Variants in CARS2 observed in about 807,000 individuals in gnomAD.
CARS2 encodes cysteinyl-tRNA synthetase 2, mitochondrial, also known as probable cysteine--tRNA ligase, mitochondrial.
In CARS2, 52 loss-of-function variants were observed where a neutral mutation model predicts 68.8. The ratio of observed to expected loss-of-function variants is 0.76; its 90% CI spans 0.61 to 0.95. The LOEUF (loss-of-function observed/expected upper bound fraction) is 0.95. Ranked by LOEUF, CARS2 falls within the 40% of genes least tolerant of loss-of-function variation. The probability of loss-of-function intolerance (pLI) is 0.00; values close to 1 mark genes in which losing one functional copy is unlikely to be tolerated. For missense variants in CARS2, 780 were observed against 754.2 expected (o/e 1.03, Z -0.40); for synonymous variants, 314 against 303.6 (o/e 1.03, Z -0.36).
At position 110,705,877 on chromosome 13, in the gene CARS2, C is replaced by T. The variant is rs761282112; in HGVS notation, c.217G>A (p.Ala73Thr). The change falls in exon 1 of 15, where the codon GCC becomes ACC. Residue 73 changes from alanine (A) to threonine (T), a missense_variant. Coordinates refer to ENST00000257347, the MANE Select transcript of CARS2 (RefSeq NM_024537.4). This position sits in a 1 kb window ranked among gnomAD's most constrained non-coding sequence, Gnocchi z 4.0. ...CAGTCCCGCGCGGCCCACCAGGAGGCGGCTTCGGCGTGCGCCACGATTAGG... is the reference window on the plus strand; with the variant it reads ...CAGTCCCGCGCGGCCCACCAGGAGGTGGCTTCGGCGTGCGCCACGATTAGG... ...EPLIVAHAEA[A>T]SWYSCGPTVY... The T allele has an allele frequency of 3.8e-6, 6 of 1,561,112 alleles. No individual in the cohort carries two copies. The highest frequency in any genetic ancestry group is 5.2e-6 in the Non-Finnish European group (6 of 1,155,652).
At chr13:110,667,644 C>T (rs927084602) in intron 7 of CARS2, among the ~76,000 whole-genome samples, 171 bp from the exon 8 acceptor site, 2 of 152,224 alleles carry the variant, frequency 1.3e-5, no homozygotes, top group African/African-American at 4.8e-5. Context: ...GAAATCCTGT[C>T]ATCACAAGCC....
chr13:110,677,613 GCA>G lies in CARS2; in HGVS notation c.656-512_656-511del, dbSNP rs1463524018. Among the ~76,000 whole-genome samples the G allele has an allele frequency of 3.0e-3, 110 of 36,228 alleles. 29 individuals carry two copies. The highest frequency in any genetic ancestry group is 4.3e-3 in the Non-Finnish European group (65 of 15,138). The allele number at this position is 36,228 out of a possible 152,430, so 23.8% of individuals were successfully genotyped here. ...AACACAATCACCCCACCACGGACAC[GCA>G]GACAGTCACCCCACCACAGAAACTC... On this transcript the variant is annotated intron_variant, in intron 6 of 14. Coordinates refer to ENST00000257347, the MANE Select transcript of CARS2 (RefSeq NM_024537.4).
chr13:110,699,784 G>T (rs751751897), intron 3 of CARS2, among the ~76,000 whole-genome samples: 1 of 152,264 alleles, frequency 6.6e-6, no homozygotes, highest in Non-Finnish European at 1.5e-5. Flanking sequence ...TAAAGTCAAA[G>T]GACCCACCAA....
chr13:110,711,036 A>G (rs986146705), upstream of CARS2, among the ~76,000 whole-genome samples: 2 of 152,094 alleles, frequency 1.3e-5, no homozygotes, highest in Non-Finnish European at 2.9e-5. Context: ...AACACTATTC[A>G]TTCTAGAGCC....
In CARS2 at chr13:110,642,474, G is replaced by A. The variant is rs374641891; in HGVS notation, c.1464C>T (p.Asp488=). The A allele has an allele frequency of 7.1e-5, 114 of 1,610,036 alleles. No homozygotes were observed. Among genetic ancestry groups the A allele is most frequent in the Non-Finnish European group, 8.7e-5 (103 of 1,178,790 alleles). ...GSEATLHGVV[D]ELVRFRQKVR... ...CCTTCTGCCGGAACCGCACCAGCTC[G>A]TCCACCACACCATGCAAGGTAGCCT... Residue 488 remains aspartate (D), a synonymous_variant, in exon 14 of 15, where the codon GAC becomes GAT. Coordinates refer to ENST00000257347, the MANE Select transcript of CARS2 (RefSeq NM_024537.4).
intron 9 of CARS2, among the ~76,000 whole-genome samples, chr13:110,655,277 C>A (rs384385): frequency 0.31 from 46,488 of 152,052 alleles, 8,297 homozygotes; most frequent in African/African-American, 0.47. Context: ...ACGGTGCCTC[C>A]CTGCCATGAG....
chr13:110,703,578 G>C (rs970785164), intron 2 of CARS2, among the ~76,000 whole-genome samples: 6 of 152,250 alleles, frequency 3.9e-5, no homozygotes, highest in Admixed American at 1.3e-4. Flanking sequence ...GACTCTCCTA[G>C]TTGGAAATGA....
At position 110,651,081 on chromosome 13, in the gene CARS2, G is replaced by A. The variant is rs556565233; in HGVS notation, c.1007C>T (p.Ser336Phe). ...GCAGAAGAACCGGAAGACATCGGGG[G>A]AAAAGGTCTTCAGAAAGTCCTGGTA... ...ITIKDFLKTF[S>F]PDVFRFFCLR... The change falls in exon 10 of 15, where the codon TCC becomes TTC. Residue 336 changes from serine to phenylalanine, a missense_variant. Transcript: ENST00000257347. The A allele has an allele frequency of 9.3e-6, 15 of 1,613,484 alleles. No homozygotes were observed. The East Asian group carries it at 3.3e-4, about 36-fold the overall frequency.
chr13:110,648,965 A>C (rs2062123360), intron 10 of CARS2: 1 of 152,234 alleles, frequency 6.6e-6, no homozygotes, highest in African/African-American at 2.4e-5. Flanking sequence ...CACAGCCCCC[A>C]GCCACGAGGG....
chr13:110,663,463 G>C lies in CARS2; in HGVS notation c.975C>G (p.Tyr325Ter). ...EEKMSKSLKN[Y>*]ITIKDFLKTF... ...AAAAGCACGTTACCTTAATAGTAAT[G>C]TAGTTCTTTAATGATTTGGACATTT... Residue 325 changes from tyrosine (Y) to a stop codon, truncating the protein, a stop_gained, in exon 9 of 15, where the codon TAC (tyrosine) becomes TAG (stop). Coordinates refer to ENST00000257347, the MANE Select transcript of CARS2 (RefSeq NM_024537.4). LOFTEE classifies it high-confidence loss of function. 1 of 1,613,596 alleles carries C rather than the reference G, an allele frequency of 6.2e-7. No homozygotes were observed. The highest frequency in any genetic ancestry group is 8.5e-7 in the Non-Finnish European group (1 of 1,179,790).
Position 110,668,521 on chromosome 13 carries a change from G to A in CARS2, c.786-1048C>T, listed in dbSNP as rs9521886. On this transcript the variant is annotated intron_variant, in intron 7 of 14. Coordinates refer to ENST00000257347, the MANE Select transcript of CARS2 (RefSeq NM_024537.4). This position sits in a 1 kb window ranked among gnomAD's most constrained non-coding sequence, Gnocchi z 4.1. ...CGCGCCACTGCACTCCAGCCTGGGT[G>A]ACAGAGCGAGACTCCGTCTCAAAAA... 0.53 allele frequency among the ~76,000 whole-genome samples: 79,344 copies of A among 150,028 alleles called. 22,285 individuals carry two copies. The highest frequency in any genetic ancestry group is 0.64 in the Non-Finnish European group (43,621 of 67,680).
intron 11 of CARS2, 107 bp from the exon 12 acceptor site, chr13:110,646,197 G>A (rs974071113): frequency 1.0e-5 from 14 of 1,341,926 alleles, no homozygotes; most frequent in South Asian, 5.9e-5. Context: ...TCTAATCTGG[G>A]GACTTTCTCT....
intron 2 of CARS2, among the ~76,000 whole-genome samples, chr13:110,703,605 C>A (rs983493511): frequency 3.9e-5 from 6 of 152,234 alleles, no homozygotes; most frequent in African/African-American, 9.6e-5. Context: ...ATTCTCTCCC[C>A]AACAACTTTT....
At chr13:110,656,092 T>C (rs1045460483) in intron 9 of CARS2, among the ~76,000 whole-genome samples, 28 of 152,036 alleles carry the variant, frequency 1.8e-4, no homozygotes, top group African/African-American at 6.3e-4. Context: ...GACCTGAGGT[T>C]AGGAGTTCAA....
In CARS2 at chr13:110,645,958, T is replaced by C; in HGVS notation, c.1317+9A>G. The C allele has an allele frequency of 1.9e-6, 3 of 1,610,536 alleles. No individual in the cohort carries two copies. Among genetic ancestry groups the C allele is most frequent in the Non-Finnish European group, 2.5e-6 (3 of 1,178,492 alleles). ...GCAGGACCGCAAGGCCACCTGTTCG[T>C]TGAGCTACCTTCAGGGACGCCCTGA... On this transcript the variant is annotated intron_variant, in intron 12 of 14. Transcript: ENST00000257347.
rs1194898462 is a variant in CARS2, at chr13:110,701,497, T to C, written c.334A>G (p.Ile112Val). The change falls in exon 3 of 15, where the codon ATA becomes GTA. Residue 112 changes from isoleucine (I) to valine (V), a missense_variant. Transcript: ENST00000257347. ...TCTGTAATACCCATCACCATGACTA[T>C]GCTGCATCCAAAAACCTTGGTTAGG... ...RILTKVFGCS[I>V]VMVMGITDVD... The C allele has an allele frequency of 1.9e-6, 3 of 1,600,704 alleles. No homozygotes were observed. Among genetic ancestry groups the C allele is most frequent in the East Asian group, 2.2e-5 (1 of 44,826 alleles).
intron 10 of CARS2, among the ~76,000 whole-genome samples, chr13:110,650,077 C>T (rs111730429): frequency 0.042 from 6,375 of 151,720 alleles, 258 homozygotes; most frequent in African/African-American, 0.09. Flanking sequence ...GCTGAGATTA[C>T]AGGTGCATGC....
chr13:110,671,068 A>T (rs1367086137), intron 7 of CARS2, among the ~76,000 whole-genome samples: 2 of 152,228 alleles, frequency 1.3e-5, no homozygotes, highest in African/African-American at 2.4e-5. Flanking sequence ...ACTATGTGAA[A>T]AGACCAAATC....
chr13:110,712,679 C>T (rs780573254), intron 1 of CARS2: 31 of 659,994 alleles, frequency 4.7e-5, no homozygotes, highest in African/African-American at 4.6e-4. Flanking sequence ...GGCCTCAGGA[C>T]GCCGGCCGAC....
Sources: gnomAD v4.1 joint callset for allele counts (sites outside exome capture counted in the v4.1 genomes callset) on GRCh38, gnomAD v4.1.1 for gene constraint, Gnocchi (gnomAD v3.1) non-coding constraint, MANE v1.5 for transcripts, NCBI Gene and HGNC (gene_info 2026-07-23, HGNC 2026-07-21) for gene names.